VPS35L: variants seen among roughly 807,000 people sequenced by gnomAD.
VPS35L encodes the protein VPS35 endosomal protein sorting factor like.
In VPS35L, 83 loss-of-function variants were observed where a neutral mutation model predicts 133.0. That is an observed-to-expected ratio of 0.62 (90% CI 0.52 to 0.75). VPS35L has a LOEUF of 0.75. VPS35L is among the 30% of genes least tolerant of loss of function. The pLI is 0.00. For synonymous variants in VPS35L, 423 were observed against 449.9 expected (o/e 0.94, Z 0.76); for missense variants, 1,083 against 1,206.8 (o/e 0.90, Z 1.52).
chr16:19,660,631 T>C (rs1974453008), intron 26 of VPS35L, among the ~76,000 whole-genome samples: 1 of 152,204 alleles, frequency 6.6e-6, no homozygotes, highest in African/African-American at 2.4e-5. Flanking sequence ...TTATGATTCA[T>C]GTATTGACTC....
intron 1 of VPS35L, among the ~76,000 whole-genome samples, chr16:19,556,378 G>T (rs1429733913): frequency 6.6e-6 from 1 of 152,184 alleles, no homozygotes; most frequent in Non-Finnish European, 1.5e-5. Context: ...AGTTAAATTG[G>T]GTCTTGGAGG....
chr16:19,560,641 C>T (rs1297929689), intron 1 of VPS35L, among the ~76,000 whole-genome samples: 1 of 151,980 alleles, frequency 6.6e-6, no homozygotes, highest in East Asian at 1.9e-4. Flanking sequence ...ACTAAAAATA[C>T]AAAAATTAGC....
intron 6 of VPS35L, 107 bp downstream of exon 6, chr16:19,579,235 A>G (rs1489774478): frequency 3.3e-5 from 35 of 1,045,960 alleles, no homozygotes; most frequent in Non-Finnish European, 4.8e-5. Flanking sequence ...TGGGCTGCGC[A>G]TTGTGCTTGG....
intron 29 of VPS35L, among the ~76,000 whole-genome samples, chr16:19,692,524 T>C (rs1296152205): frequency 6.6e-6 from 1 of 151,990 alleles, no homozygotes; most frequent in Non-Finnish European, 1.5e-5. Context: ...CACTGCTACA[T>C]TGCCCTCCTC....
chr16:19,666,892 CT>C (rs1567470299), intron 26 of VPS35L, among the ~76,000 whole-genome samples: 1,107 of 100,126 alleles, frequency 0.011, 17 homozygotes, highest in African/African-American at 0.045. Flanking sequence ...TTCTTTCTTT[CT>C]TTCTTTCTTT....
At chr16:19,601,630 G>A in intron 8 of VPS35L, 34 bp from the exon 9 acceptor site, 3 of 1,606,684 alleles carry the variant, frequency 1.9e-6, no homozygotes, top group East Asian at 4.5e-5. Flanking sequence ...CCTGAAGAGT[G>A]TGATACTAAC....
intron 27 of VPS35L, among the ~76,000 whole-genome samples, chr16:19,674,641 A>G (rs1974999506): frequency 2.0e-5 from 3 of 151,750 alleles, no homozygotes; most frequent in South Asian, 4.1e-4. Context: ...TACTATTGAC[A>G]TAGAAACTGT....
rs1001606183 is a variant in VPS35L at position 19,646,557 on chromosome 16, C to T, written c.1930-1227C>T. Among the ~76,000 whole-genome samples, 23 of 151,864 alleles carry T rather than the reference C, an allele frequency of 1.5e-4. No homozygotes were observed. The Middle Eastern group carries it at 0.014, about 90-fold the overall frequency. On this transcript the variant is annotated intron_variant, in intron 23 of 30. Coordinates refer to ENST00000417362, the MANE Select transcript of VPS35L (RefSeq NM_020314.7). ...GTGCATGCCTGTAATCCCAGCTACT[C>T]GGGAGGCTGAGGCAGGAGAATCGCT...
At position 19,637,631 on chromosome 16, in the gene VPS35L, A is replaced by G. The variant is rs377529296; in HGVS notation, c.1673A>G (p.His558Arg). 5.1e-6 allele frequency: 8 copies of G among 1,579,684 alleles called. No homozygotes were observed. The African/African-American group carries it at 9.5e-5, about 19-fold the overall frequency. Reference protein sequence around the residue: ...LIIKKVIAHFHDFSVLFSVEK... With the variant: ...LIIKKVIAHFRDFSVLFSVEK... ...ATTAAGAAAGTTATTGCCCACTTCC[A>G]TGACTTCTCAGTTCTTTTCTCAGTG... The change falls in exon 20 of 31, where the codon CAT becomes CGT. Residue 558 changes from histidine (H) to arginine (R), a missense_variant. Coordinates refer to ENST00000417362, the MANE Select transcript of VPS35L (RefSeq NM_020314.7).
intron 5 of VPS35L, among the ~76,000 whole-genome samples, chr16:19,575,751 T>TAA (rs1278812873): frequency 6.6e-6 from 1 of 151,116 alleles, no homozygotes; most frequent in African/African-American, 2.4e-5. Flanking sequence ...TAATCCCAGT[T>TAA]ACATAGGAGG....
intron 3 of VPS35L, among the ~76,000 whole-genome samples, chr16:19,572,358 C>T (rs1158927927): frequency 7.2e-5 from 11 of 152,172 alleles, no homozygotes; most frequent in Non-Finnish European, 1.5e-4. Context: ...GCGGAGATTG[C>T]AGTGAGTAGA....
At chr16:19,583,064 G>T (rs1971758172) in intron 7 of VPS35L, among the ~76,000 whole-genome samples, 2 of 151,910 alleles carry the variant, frequency 1.3e-5, no homozygotes, top group Non-Finnish European at 2.9e-5. Context: ...TGTGTGTGTT[G>T]GGGGGGTACC....
At position 19,647,856 on chromosome 16, in the gene VPS35L, G is replaced by C. The variant is rs1974001565; in HGVS notation, c.2002G>C (p.Glu668Gln). 5 of 1,613,948 alleles carry C rather than the reference G, an allele frequency of 3.1e-6. No homozygotes were observed. The East Asian group carries it at 1.1e-4, about 36-fold the overall frequency. ...GTCCAGGTCGATGTTTTGCAATCTGGAGCCTGTTCTTGTGCAGTTGATTCA... is the reference window on the plus strand; with the variant it reads ...GTCCAGGTCGATGTTTTGCAATCTGCAGCCTGTTCTTGTGCAGTTGATTCA... ...VESRSMFCNL[E>Q]PVLVQLIHSV... The change falls in exon 24 of 31, where the codon GAG becomes CAG. Residue 668 changes from glutamate to glutamine, a missense_variant. Transcript: ENST00000417362.
chr16:19,673,462 A>G (rs567986021), intron 27 of VPS35L, among the ~76,000 whole-genome samples: 144 of 152,210 alleles, frequency 9.5e-4, no homozygotes, highest in Non-Finnish European at 1.9e-3. Context: ...CATTAACCCC[A>G]TTTCTGTTGT....
At chr16:19,678,900 C>A (rs116060500) in intron 27 of VPS35L, among the ~76,000 whole-genome samples, 8,143 of 152,134 alleles carry the variant, frequency 0.054, 470 homozygotes, top group African/African-American at 0.14. Flanking sequence ...AGCAAAAGCT[C>A]ACGGAAATGG....
Position 19,570,871 on chromosome 16 carries a change from A to T in VPS35L, c.285+1280A>T, listed in dbSNP as rs867891415. On this transcript the variant is annotated intron_variant, in intron 3 of 30. Transcript: ENST00000417362. ...TATATATATATATATATATATATAT[A>T]TATATATATATATATATATTTTTGA... Among the ~76,000 whole-genome samples the T allele has an allele frequency of 1.3e-3, 74 of 55,406 alleles. 1 individual carries two copies. The highest frequency in any genetic ancestry group is 8.0e-3 in the African/African-American group (55 of 6,912). 36.3% of individuals were successfully genotyped at this position (55,406 alleles called of 152,430 possible).
At chr16:19,680,406 A>G (rs930895778) in intron 27 of VPS35L, among the ~76,000 whole-genome samples, 5 of 152,140 alleles carry the variant, frequency 3.3e-5, no homozygotes, top group African/African-American at 9.7e-5. Context: ...CACCATCCAC[A>G]TTGAGTTCCT....
intron 28 of VPS35L, among the ~76,000 whole-genome samples, chr16:19,685,908 C>A (rs1281587666): frequency 6.6e-6 from 1 of 151,566 alleles, no homozygotes; most frequent in Non-Finnish European, 1.5e-5. Flanking sequence ...CCTCTCCTTC[C>A]TCTCCCTCCT....
At chr16:19,673,082 G>T (rs554630174) in intron 27 of VPS35L, among the ~76,000 whole-genome samples, 66 of 152,172 alleles carry the variant, frequency 4.3e-4, no homozygotes, top group Non-Finnish European at 8.4e-4. Flanking sequence ...CCTTTCTGAG[G>T]TGTCATCACA....
Sources: gnomAD v4.1 joint callset for allele counts (sites outside exome capture counted in the v4.1 genomes callset) on GRCh38, gnomAD v4.1.1 for gene constraint, MANE v1.5 for transcripts, NCBI Gene and HGNC (gene_info 2026-07-23, HGNC 2026-07-21) for gene names.